SYNJ1: variants seen among roughly 807,000 people sequenced by gnomAD.
The protein encoded by SYNJ1 is synaptojanin 1.
Under a neutral mutation model 168.2 loss-of-function variants are expected in SYNJ1, and 78 were observed. The observed-to-expected ratio is 0.46, with a 90% CI of 0.39 to 0.56. SYNJ1 has a LOEUF of 0.56. Ranked by LOEUF, SYNJ1 falls within the 20% of genes least tolerant of loss-of-function variation. The pLI is 0.00. For synonymous variants in SYNJ1, 539 were observed against 548.6 expected (o/e 0.98, Z 0.24); for missense variants, 1,303 against 1,597.6 (o/e 0.82, Z 3.14).
intron 21 of SYNJ1, among the ~76,000 whole-genome samples, chr21:32,654,534 A>G (rs2040392190): frequency 6.6e-6 from 1 of 152,180 alleles, no homozygotes; most frequent in Non-Finnish European, 1.5e-5. Flanking sequence ...TTTATGCTGC[A>G]CCAGTCCCCT....
intron 6 of SYNJ1, among the ~76,000 whole-genome samples, chr21:32,688,613 G>C (rs1370928572): frequency 6.6e-6 from 1 of 152,042 alleles, no homozygotes; most frequent in Non-Finnish European, 1.5e-5. Context: ...TCGTAAACTA[G>C]TAGGAATTTT....
At chr21:32,670,452 G>C in intron 14 of SYNJ1, 80 bp from the exon 15 acceptor site, 1 of 1,055,012 alleles carries the variant, frequency 9.5e-7, no homozygotes, top group South Asian at 1.4e-5. Context: ...CATAACACCA[G>C]GTCTCATAAA....
At chr21:32,719,733 G>GA (rs1306159445) in intron 2 of SYNJ1, among the ~76,000 whole-genome samples, 5 of 149,032 alleles carry the variant, frequency 3.4e-5, no homozygotes, top group Non-Finnish European at 6.0e-5. Flanking sequence ...AAAAAAGAAA[G>GA]AAAAAGAAAA....
At chr21:32,645,061 G>A (rs566565260) in intron 25 of SYNJ1, 55 bp from the exon 26 acceptor site, 3 of 1,542,430 alleles carry the variant, frequency 1.9e-6, no homozygotes, top group East Asian at 2.3e-5. Context: ...AAATACAGAA[G>A]TGAAATGTCA....
At chr21:32,639,200 T>C in intron 30 of SYNJ1, 75 bp from the exon 31 acceptor site, 3 of 1,361,748 alleles carry the variant, frequency 2.2e-6, no homozygotes, top group Non-Finnish European at 3.0e-6. Flanking sequence ...AGTGAAATGT[T>C]AGGAGAACAT....
Position 32,643,417 on chromosome 21 carries a change from C to G in SYNJ1, c.3471G>C (p.Glu1157Asp), listed in dbSNP as rs1220526108. 4 of 1,613,532 alleles carry G rather than the reference C, an allele frequency of 2.5e-6. No individual in the cohort carries two copies. Among genetic ancestry groups the G allele is most frequent in the Non-Finnish European group, 3.4e-6 (4 of 1,179,768 alleles). The change falls in exon 27 of 33, where the codon GAG (glutamate) becomes GAC (aspartate). Residue 1157 changes from glutamate to aspartate, a missense_variant. Glu to Asp is a conservative substitution (Grantham distance 45). Coordinates refer to ENST00000674351, the MANE Select transcript of SYNJ1 (RefSeq NM_203446.3). ...ATGCAAGAGTCTTGTTACCTTCCAT[C>G]TCTCTCCTAGCTACCCCAGGACTGG... The part of the protein sequence containing the change: ...APPSPGVARR[E>D]MEAPKSPGTT...
At chr21:32,660,098 T>C (rs2040628639) in intron 18 of SYNJ1, among the ~76,000 whole-genome samples, 1 of 152,260 alleles carries the variant, frequency 6.6e-6, no homozygotes, top group Non-Finnish European at 1.5e-5. Flanking sequence ...ACACTCTATG[T>C]GTCAGAAAGA....
intron 31 of SYNJ1, among the ~76,000 whole-genome samples, chr21:32,638,475 T>C (rs933212645): frequency 3.3e-5 from 5 of 152,184 alleles, no homozygotes; most frequent in Admixed American, 1.3e-4. Flanking sequence ...GGTGGGCAGA[T>C]TGCCTGAGGT....
At chr21:32,680,748 T>C (rs2146040193) in intron 11 of SYNJ1, among the ~76,000 whole-genome samples, 1 of 152,236 alleles carries the variant, frequency 6.6e-6, no homozygotes, top group Non-Finnish European at 1.5e-5. Flanking sequence ...CCCGAGTAGC[T>C]GGGATTTCAG....
intron 2 of SYNJ1, among the ~76,000 whole-genome samples, chr21:32,703,922 C>T (rs1002386182): frequency 6.6e-6 from 1 of 151,914 alleles, no homozygotes; most frequent in African/African-American, 2.4e-5. Context: ...AGTTTCTCTA[C>T]GTTGCCCAGG....
At chr21:32,644,784 T>C (rs2039992073) in intron 26 of SYNJ1, among the ~76,000 whole-genome samples, 184 bp downstream of exon 26, 2 of 152,244 alleles carry the variant, frequency 1.3e-5, no homozygotes, top group South Asian at 2.1e-4. Context: ...AAAAAAAAAA[T>C]TAGGCCTGAT....
chr21:32,653,161 C>T (rs1236905765), intron 22 of SYNJ1, 127 bp downstream of exon 22: 1 of 731,812 alleles, frequency 1.4e-6, no homozygotes, highest in African/African-American at 1.8e-5. Flanking sequence ...TTAAATAACT[C>T]CTCGAACATA....
Position 32,646,457 on chromosome 21 carries a change from T to A in SYNJ1, c.3183A>T (p.Val1061=). 1 of 1,614,100 alleles carries A rather than the reference T, an allele frequency of 6.2e-7. No individual in the cohort carries two copies. Among genetic ancestry groups the A allele is most frequent in the African/African-American group, 1.3e-5 (1 of 74,998 alleles). The change falls in exon 24 of 33, where the codon GTA becomes GTT. Residue 1061 remains valine (V), a synonymous_variant. Coordinates refer to ENST00000674351, the MANE Select transcript of SYNJ1 (RefSeq NM_203446.3). ...GGCTTGGTCTGATGGGAAGGGAAGG[T>A]ACAGGACCCTCTGATATTGTAGGTG... The part of the protein sequence containing the change: ...CQSPTISEGP[V]PSLPIRPSRA...
At chr21:32,649,104 G>A (rs1006573363) in intron 23 of SYNJ1, among the ~76,000 whole-genome samples, 1 of 152,168 alleles carries the variant, frequency 6.6e-6, no homozygotes, top group African/African-American at 2.4e-5. Context: ...TTTCCCATGA[G>A]CTACCACAAA....
chr21:32,678,852 G>T, intron 11 of SYNJ1, 51 bp from the exon 12 acceptor site: 1 of 1,569,654 alleles, frequency 6.4e-7, no homozygotes, highest in Non-Finnish European at 8.6e-7. Flanking sequence ...AAATATTACT[G>T]ATTTTACTCA....
chr21:32,633,209 G>A (rs190711445), intron 32 of SYNJ1, among the ~76,000 whole-genome samples: 1 of 152,274 alleles, frequency 6.6e-6, no homozygotes, highest in East Asian at 1.9e-4. Flanking sequence ...TGTGCCTAGA[G>A]TGGTGCCTGG....
chr21:32,652,231 C>T (rs1327418447), intron 22 of SYNJ1, among the ~76,000 whole-genome samples: 4 of 149,954 alleles, frequency 2.7e-5, no homozygotes, highest in South Asian at 2.1e-4. Context: ...GACAGAGTCT[C>T]GCTCTGTTGC....
Position 32,631,230 on chromosome 21 carries a change from G to T in SYNJ1, c.*575C>A. 1.2e-6 allele frequency: 2 copies of T among 1,614,190 alleles called. No individual in the cohort carries two copies. Among genetic ancestry groups the T allele is most frequent in the South Asian group, 2.2e-5 (2 of 91,050 alleles). ...CAGTAAGTCTGAACAAGCTGACTTT[G>T]ACTTCCCTTTCACACCAAAATCCTC... is the stretch of plus-strand genomic sequence containing the variant. On this transcript the variant is annotated 3_prime_UTR_variant, in exon 33 of 33. Coordinates refer to ENST00000674351, the MANE Select transcript of SYNJ1 (RefSeq NM_203446.3).
At chr21:32,658,738 A>G (rs1164208446) in intron 18 of SYNJ1, among the ~76,000 whole-genome samples, 1 of 152,074 alleles carries the variant, frequency 6.6e-6, no homozygotes, top group Non-Finnish European at 1.5e-5. Context: ...CAGCTCCTGC[A>G]CTCACTTACC....
Sources: gnomAD v4.1 joint callset for allele counts (sites outside exome capture counted in the v4.1 genomes callset) on GRCh38, gnomAD v4.1.1 for gene constraint, MANE v1.5 for transcripts, NCBI Gene and HGNC (gene_info 2026-07-23, HGNC 2026-07-21) for gene names.